U2SURP: variants seen among roughly 807,000 people sequenced by gnomAD.
U2SURP encodes U2 snRNP-associated SURP motif-containing protein.
U2SURP carries 9 observed loss-of-function variants against 144.9 expected under a neutral mutation model. The observed-to-expected ratio is 0.06, with a 90% CI of 0.04 to 0.11. U2SURP has a LOEUF of 0.11. Ranked by LOEUF, U2SURP falls within the 10% of genes least tolerant of loss-of-function variation. The pLI is 1.00. For missense variants in U2SURP, 724 were observed against 1,226.7 expected, an observed-to-expected ratio of 0.59 and a Z score of 6.12; for synonymous variants, 408 against 396.8, an observed-to-expected ratio of 1.03 and a Z score of -0.33.
intron 24 of U2SURP, among the ~76,000 whole-genome samples, chr3:143,050,342 G>C (rs1025028565): frequency 2.0e-5 from 3 of 152,178 alleles, no homozygotes; most frequent in Non-Finnish European, 4.4e-5. Flanking sequence ...CAAAGTGCTG[G>C]GATTACAGGC....
chr3:143,025,646 G>A (rs1933101357), intron 13 of U2SURP: 2 of 152,108 alleles, frequency 1.3e-5, no homozygotes, highest in African/African-American at 4.8e-5. Flanking sequence ...AATTACTTCT[G>A]TGAAAGAGAA....
chr3:143,004,365 T>G (rs1405966132), intron 1 of U2SURP, among the ~76,000 whole-genome samples: 2 of 140,152 alleles, frequency 1.4e-5, no homozygotes, highest in Middle Eastern at 3.6e-3. Flanking sequence ...TTTTTTTTTT[T>G]TTTTTTTTTT....
rs1935298994 is a variant in U2SURP at position 143,059,712 on chromosome 3, A to G, written c.*3262A>G. Reference sequence around the variant, plus strand: ...TTTTCTAAGACTGTACAGTTTACAAATAAGGTTTTTTTCTTTGTTGTTTTC... The same window carrying G: ...TTTTCTAAGACTGTACAGTTTACAAGTAAGGTTTTTTTCTTTGTTGTTTTC... On this transcript the variant is annotated 3_prime_UTR_variant, in exon 28 of 28. Coordinates refer to ENST00000473835, the MANE Select transcript of U2SURP (RefSeq NM_001080415.2). 1.3e-5 allele frequency: 2 copies of G among 152,020 alleles called. No homozygotes were observed. Among genetic ancestry groups the G allele is most frequent in the African/African-American group, 2.4e-5 (1 of 41,548 alleles). 9.4% of individuals were successfully genotyped at this position (152,020 alleles called of 1,614,324 possible).
intron 6 of U2SURP, among the ~76,000 whole-genome samples, chr3:143,018,521 G>A (rs1317044088): frequency 6.6e-6 from 1 of 152,020 alleles, no homozygotes; most frequent in East Asian, 1.9e-4. Context: ...TCATGTGTGG[G>A]CTTTTTTTGT....
chr3:143,056,220 C>A, intron 27 of U2SURP, 92 bp from the exon 28 acceptor site: 1 of 1,330,604 alleles, frequency 7.5e-7, no homozygotes, highest in Non-Finnish European at 1.0e-6. Flanking sequence ...TTCACTGTGC[C>A]CTGTTAAAGA....
chr3:143,003,402 A>G lies in U2SURP; in HGVS notation c.45+1729A>G, dbSNP rs569846070. ...TTGGTAATTAATTATATTTGCGATA[A>G]TAAGGCAGATTGCTTAAACTCTGGA... On this transcript the variant is annotated intron_variant, in intron 1 of 27. Transcript: ENST00000473835. Among the ~76,000 whole-genome samples the G allele has an allele frequency of 2.8e-4, 43 of 152,338 alleles. 2 individuals are homozygous for G. Among genetic ancestry groups the G allele is most frequent in the South Asian group, 2.3e-3 (11 of 4,830 alleles).
chr3:143,010,993 TAGGC>T (rs1936094651), intron 2 of U2SURP, 134 bp downstream of exon 2: 1 of 633,724 alleles, frequency 1.6e-6, no homozygotes, highest in Non-Finnish European at 2.5e-6. Flanking sequence ...CTTTTTTTTC[TAGGC>T]GCCTTCCTTT....
At chr3:143,053,068 T>C (rs1463089771) in intron 25 of U2SURP, among the ~76,000 whole-genome samples, 2 of 152,114 alleles carry the variant, frequency 1.3e-5, no homozygotes, top group East Asian at 3.9e-4. Flanking sequence ...TGGAAGATTA[T>C]TGTGAATAAC....
At chr3:143,007,694 T>A (rs556167699) in intron 1 of U2SURP, among the ~76,000 whole-genome samples, 1 of 152,094 alleles carries the variant, frequency 6.6e-6, no homozygotes, top group Non-Finnish European at 1.5e-5. Context: ...CCGCCCGCCT[T>A]GGCCTCCCAA....
intron 25 of U2SURP, among the ~76,000 whole-genome samples, chr3:143,052,510 T>G (rs796664267): frequency 3.3e-5 from 5 of 152,368 alleles, no homozygotes; most frequent in African/African-American, 1.2e-4. Context: ...GTTACCACTT[T>G]AGTCTCCTTT....
chr3:143,023,188 T>C (rs1486754715), intron 12 of U2SURP, 124 bp downstream of exon 12: 3 of 808,450 alleles, frequency 3.7e-6, no homozygotes, highest in South Asian at 1.9e-5. Flanking sequence ...TTTAAAGAAA[T>C]AAGTAGATGT....
intron 1 of U2SURP, among the ~76,000 whole-genome samples, chr3:143,002,563 T>C (rs1935591249): frequency 6.6e-6 from 1 of 152,192 alleles, no homozygotes; most frequent in African/African-American, 2.4e-5. Context: ...TGCCACGAGG[T>C]AGTTAAACTT....
At chr3:143,003,807 T>G (rs1443983121) in intron 1 of U2SURP, among the ~76,000 whole-genome samples, 1 of 148,278 alleles carries the variant, frequency 6.7e-6, no homozygotes, top group Non-Finnish European at 1.5e-5. Flanking sequence ...TTCTCCTGCC[T>G]CAGCCTCCCT....
chr3:143,005,315 T>C (rs1318412127), intron 1 of U2SURP, among the ~76,000 whole-genome samples: 1 of 152,216 alleles, frequency 6.6e-6, no homozygotes. Context: ...ATAAGTAAAC[T>C]GAGGACCTGT....
intron 3 of U2SURP, among the ~76,000 whole-genome samples, chr3:143,012,792 A>G (rs1936184959): frequency 6.6e-6 from 1 of 152,150 alleles, no homozygotes; most frequent in South Asian, 2.1e-4. Flanking sequence ...GCCCAGGGTA[A>G]TACAGGAACA....
At chr3:143,001,817 T>G (rs1935540563) in intron 1 of U2SURP, 144 bp downstream of exon 1, 13 of 1,089,598 alleles carry the variant, frequency 1.2e-5, no homozygotes, top group Non-Finnish European at 1.8e-5. Context: ...CGCACCGTTG[T>G]GCGCAGGTTG....
chr3:143,014,242 G>C, intron 3 of U2SURP, 69 bp from the exon 4 acceptor site: 1 of 1,002,132 alleles, frequency 1.0e-6, no homozygotes, highest in Non-Finnish European at 1.4e-6. Flanking sequence ...TTAGTTATCA[G>C]TTGATGTGTA....
In U2SURP at chr3:143,020,981, C is replaced by G. The variant is rs76804907; in HGVS notation, c.733+288C>G. On this transcript the variant is annotated intron_variant, in intron 8 of 27. Transcript: ENST00000473835. ...CCGAGGCAAGTGGATTACCTAAGGT[C>G]AGGAGTTCGAGACCAGCCTGGCCAA... Among the ~76,000 whole-genome samples the G allele has an allele frequency of 9.3e-4, 142 of 152,314 alleles. 1 individual carries two copies. In the East Asian group the frequency reaches 0.024, roughly 26 times the overall value.
intron 25 of U2SURP, 147 bp from the exon 26 acceptor site, chr3:143,053,529 G>A (rs1468582211): frequency 2.0e-6 from 1 of 500,704 alleles, no homozygotes; most frequent in Non-Finnish European, 3.2e-6. Context: ...TTCCCTGAAG[G>A]GGTAGATTTT....
Sources: allele counts gnomAD v4.1 joint callset (sites outside exome capture counted in the v4.1 genomes callset), GRCh38; gene constraint gnomAD v4.1.1; transcripts MANE v1.5; gene names NCBI Gene and HGNC (gene_info 2026-07-23, HGNC 2026-07-21).